Variants in ADCY10 observed in about 807,000 individuals in gnomAD.
ADCY10 encodes adenylate cyclase type 10.
Under a neutral mutation model 183.3 loss-of-function variants are expected in ADCY10, and 156 were observed. That is an observed-to-expected ratio of 0.85 (90% confidence interval 0.75 to 0.97). The LOEUF is 0.97. ADCY10 is among the 50% of genes least tolerant of loss of function. The pLI, the probability that ADCY10 is intolerant of heterozygous loss-of-function variation, is 0.00. For missense variants in ADCY10, 1,745 were observed against 1,934.3 expected (o/e 0.90, Z 1.84); for synonymous variants, 645 against 670.0 (o/e 0.96, Z 0.58).
intron 11 of ADCY10, 139 bp from the exon 12 acceptor site, chr1:167,878,774 A>G: frequency 1.2e-6 from 1 of 867,442 alleles, no homozygotes; most frequent in Non-Finnish European, 1.8e-6. Context: ...GCCTAGTCTC[A>G]AGACCCATAT....
intron 8 of ADCY10, among the ~76,000 whole-genome samples, chr1:167,888,961 G>A (rs939580789): frequency 2.6e-5 from 4 of 151,650 alleles, no homozygotes; most frequent in African/African-American, 7.3e-5. Context: ...TTGAATTTGT[G>A]TATCAGTTCT....
intron 14 of ADCY10, 40 bp downstream of exon 14, chr1:167,870,217 T>A: frequency 6.2e-7 from 1 of 1,612,096 alleles, no homozygotes; most frequent in Non-Finnish European, 8.5e-7. Flanking sequence ...AAATCAGGAT[T>A]CTATGGGTTC....
intron 2 of ADCY10, 91 bp from the exon 3 acceptor site, chr1:167,904,082 CTTTTTT>C (rs879025060): frequency 3.7e-4 from 134 of 363,362 alleles, no homozygotes; most frequent in Middle Eastern, 8.6e-4. Context: ...CGGGCCTCAG[CTTTTTT>C]TTTTTTTTTT....
chr1:167,904,363 G>A (rs745674476), intron 2 of ADCY10, among the ~76,000 whole-genome samples: 32 of 152,124 alleles, frequency 2.1e-4, no homozygotes, highest in Admixed American at 7.2e-4. Flanking sequence ...TGGGATTGCA[G>A]GCGTGAGCCA....
intron 2 of ADCY10, 35 bp downstream of exon 2, chr1:167,904,958 C>T: frequency 6.2e-7 from 1 of 1,614,114 alleles, no homozygotes; most frequent in Non-Finnish European, 8.5e-7. Flanking sequence ...GCCTGTTGCT[C>T]ATCCACATTA....
At position 167,809,519 on chromosome 1, in the gene ADCY10, T is replaced by G. The variant is rs1662066963; in HGVS notation, c.*159A>C. On this transcript the variant is annotated 3_prime_UTR_variant, in exon 33 of 33. Coordinates refer to ENST00000367851, the MANE Select transcript of ADCY10 (RefSeq NM_018417.6). ...AGTAAACCATGACACTCCTGACCCT[T>G]GTAGGCCCTCCAGAAAGAGAAGAAA... The G allele has an allele frequency of 1.2e-6, 1 of 817,848 alleles. No homozygotes were observed. The highest frequency in any genetic ancestry group is 2.0e-6 in the Non-Finnish European group (1 of 508,794). 50.7% of individuals were successfully genotyped at this position (817,848 alleles called of 1,614,324 possible). A position where few individuals can be genotyped will look rare whatever the true frequency, so the allele number is the denominator to read the frequency against.
chr1:167,904,822 G>A, intron 2 of ADCY10, 171 bp downstream of exon 2: 2 of 816,748 alleles, frequency 2.4e-6, no homozygotes, highest in Non-Finnish European at 4.0e-6. Flanking sequence ...ATGAGAGAGA[G>A]CCAGGGCCAC....
At position 167,877,383 on chromosome 1, in the gene ADCY10, A is replaced by G. The variant is rs546997477; in HGVS notation, c.1406+1063T>C. On this transcript the variant is annotated intron_variant, in intron 12 of 32. Transcript: ENST00000367851. ...GCCTATGTATGCCAAGCACAGTGCT[A>G]AGCCTCAGGAATACTGAAGGGAATA... Among the ~76,000 whole-genome samples the G allele has an allele frequency of 1.9e-4, 29 of 151,892 alleles. No homozygotes were observed. In the South Asian group the frequency reaches 5.9e-3, roughly 31 times the overall value.
intron 14 of ADCY10, among the ~76,000 whole-genome samples, chr1:167,869,899 CTACACTG>C (rs897636556): frequency 3.0e-4 from 46 of 152,288 alleles, no homozygotes; most frequent in African/African-American, 1.1e-3. Flanking sequence ...GCTGGTCCTG[CTACACTG>C]TCAGCTAGCT....
chr1:167,832,608 C>T (rs551164404), intron 25 of ADCY10, among the ~76,000 whole-genome samples: 43 of 152,250 alleles, frequency 2.8e-4, no homozygotes, highest in African/African-American at 1.0e-3. Context: ...AACCCAGTGT[C>T]TTAGCACCTA....
intron 12 of ADCY10, 125 bp from the exon 13 acceptor site, chr1:167,875,311 C>T (rs552860448): frequency 6.2e-6 from 6 of 974,060 alleles, no homozygotes; most frequent in East Asian, 5.1e-5. Flanking sequence ...TATCCCCTGA[C>T]TCACGGGTCG....
intron 9 of ADCY10, 61 bp downstream of exon 9, chr1:167,883,376 C>G (rs566721399): frequency 5.7e-6 from 9 of 1,567,216 alleles, no homozygotes; most frequent in South Asian, 1.1e-5. Context: ...CACCAATGTG[C>G]TTGTCCATGA....
chr1:167,852,047 T>A (rs545413789), intron 18 of ADCY10, among the ~76,000 whole-genome samples: 2 of 152,322 alleles, frequency 1.3e-5, no homozygotes, highest in South Asian at 4.1e-4. Context: ...ATTCACAATA[T>A]TATGTAACCA....
intron 16 of ADCY10, among the ~76,000 whole-genome samples, chr1:167,856,878 C>T (rs540809346): frequency 3.7e-4 from 56 of 152,338 alleles, no homozygotes; most frequent in Non-Finnish European, 3.5e-4. Context: ...TGAGCACCCC[C>T]TGGGCTAGGT....
chr1:167,858,034 A>G (rs1217471068), intron 16 of ADCY10, among the ~76,000 whole-genome samples: 1 of 152,208 alleles, frequency 6.6e-6, no homozygotes, highest in Non-Finnish European at 1.5e-5. Flanking sequence ...AAGCCCTGAC[A>G]CTTAGAAACT....
At position 167,848,171 on chromosome 1, in the gene ADCY10, C is replaced by T. The variant is rs181164109; in HGVS notation, c.2437+190G>A. The stretch of plus-strand genomic sequence containing the variant: ...TCCCAGGTTCAAGCAATTCTCCTGC[C>T]TCAGCTTCCCGAGTAGCTGGGATTA... On this transcript the variant is annotated intron_variant, in intron 19 of 32. Coordinates refer to ENST00000367851, the MANE Select transcript of ADCY10 (RefSeq NM_018417.6). Among the ~76,000 whole-genome samples the T allele has an allele frequency of 3.9e-3, 587 of 152,162 alleles. 7 individuals are homozygous for T. Among genetic ancestry groups the T allele is most frequent in the African/African-American group, 0.013 (538 of 41,510 alleles).
intron 30 of ADCY10, chr1:167,820,101 C>T (rs759208133): frequency 6.4e-6 from 10 of 1,568,154 alleles, no homozygotes; most frequent in African/African-American, 1.4e-5. Flanking sequence ...GTTGTCCTGA[C>T]ATCAACGTTT....
intron 21 of ADCY10, among the ~76,000 whole-genome samples, chr1:167,841,726 G>A (rs10918781): frequency 0.31 from 47,693 of 151,654 alleles, 10,091 homozygotes; most frequent in African/African-American, 0.61. Flanking sequence ...TTGGCCTCAA[G>A]CCTCCAAAGC....
In ADCY10 at chr1:167,880,691, G is replaced by A. The variant is rs937174800; in HGVS notation, c.1021-82C>T. On this transcript the variant is annotated intron_variant, in intron 9 of 32. Transcript: ENST00000367851. ...TGGCCAGAAGGCTCAACAGAGAGCCGGCGGCAATTTTTGGCTTCTGAATCA... is the reference window on the plus strand; with the variant it reads ...TGGCCAGAAGGCTCAACAGAGAGCCAGCGGCAATTTTTGGCTTCTGAATCA... 28 of 1,065,616 alleles carry A rather than the reference G, an allele frequency of 2.6e-5. No homozygotes were observed. In the Admixed American group the frequency reaches 4.1e-4, roughly 15 times the overall value. 66.0% of individuals were successfully genotyped at this position (1,065,616 alleles called of 1,614,324 possible).
Sources: gnomAD v4.1 joint callset for allele counts (sites outside exome capture counted in the v4.1 genomes callset) on GRCh38, gnomAD v4.1.1 for gene constraint, MANE v1.5 for transcripts, NCBI Gene and HGNC (gene_info 2026-07-23, HGNC 2026-07-21) for gene names.